HECW2: variants seen among roughly 807,000 people sequenced by gnomAD.
HECW2 encodes the protein HECT, C2 and WW domain containing E3 ubiquitin protein ligase 2.
In HECW2, 61 loss-of-function variants were observed where a neutral mutation model predicts 175.2. That is an observed-to-expected ratio of 0.35 (90% confidence interval 0.28 to 0.43). The LOEUF is 0.43. Ranked by LOEUF, HECW2 falls within the 20% of genes least tolerant of loss-of-function variation. The probability of loss-of-function intolerance (pLI) is 1.00; values close to 1 mark genes in which losing one functional copy is unlikely to be tolerated. For synonymous variants in HECW2, 671 were observed against 731.0 expected (o/e 0.92, Z 1.32); for missense variants, 1,524 against 2,000.5 (o/e 0.76, Z 4.54).
At chr2:196,422,371 T>G (rs1017056826) in intron 2 of HECW2, among the ~76,000 whole-genome samples, 21 of 152,250 alleles carry the variant, frequency 1.4e-4, no homozygotes, top group Non-Finnish European at 2.9e-4. Flanking sequence ...CGAAGTGAAA[T>G]GTGTGGCTTT....
intron 14 of HECW2, among the ~76,000 whole-genome samples, chr2:196,284,898 A>G (rs1297972706): frequency 6.6e-6 from 1 of 152,212 alleles, no homozygotes; most frequent in Non-Finnish European, 1.5e-5. Context: ...CACATTGGCT[A>G]CTAGCAAAGC....
At chr2:196,423,684 T>TTGTGTGTGAGTG (rs1553516065) in intron 2 of HECW2, among the ~76,000 whole-genome samples, 177 of 140,046 alleles carry the variant, frequency 1.3e-3, no homozygotes, top group Non-Finnish European at 2.1e-3. Flanking sequence ...TAGTATTCCA[T>TTGTGTGTGAGTG]TGTGTGTGTG....
At chr2:196,285,157 ATTCT>A (rs958726199) in intron 14 of HECW2, among the ~76,000 whole-genome samples, 12 of 152,252 alleles carry the variant, frequency 7.9e-5, no homozygotes, top group African/African-American at 2.9e-4. Context: ...TCTTTACACA[ATTCT>A]TTCTTTTTTC....
intron 17 of HECW2, among the ~76,000 whole-genome samples, chr2:196,261,066 C>G (rs1201979667): frequency 6.6e-6 from 1 of 152,162 alleles, no homozygotes. Context: ...GGCGAACACA[C>G]CTGGCTGCCC....
intron 3 of HECW2, among the ~76,000 whole-genome samples, chr2:196,335,468 G>A (rs1179359575): frequency 6.6e-6 from 1 of 152,160 alleles, no homozygotes; most frequent in Non-Finnish European, 1.5e-5. Context: ...CTAGGCTACG[G>A]GAGGGAGTTC....
chr2:196,271,849 T>C (rs904715125), intron 16 of HECW2, among the ~76,000 whole-genome samples: 1 of 152,252 alleles, frequency 6.6e-6, no homozygotes, highest in Non-Finnish European at 1.5e-5. Context: ...CCCACCACTA[T>C]AGGTGCTTAC....
chr2:196,301,668 T>C (rs1187139179), intron 13 of HECW2, among the ~76,000 whole-genome samples: 1 of 152,144 alleles, frequency 6.6e-6, no homozygotes, highest in Non-Finnish European at 1.5e-5. Flanking sequence ...AGGCCACGTG[T>C]ATGTCTTCTT....
chr2:196,257,201 T>G (rs1325896100), intron 18 of HECW2, among the ~76,000 whole-genome samples: 2 of 152,076 alleles, frequency 1.3e-5, no homozygotes, highest in East Asian at 3.9e-4. Flanking sequence ...AATGAGAAAG[T>G]CTTTTGAAAA....
At chr2:196,549,963 A>AT (rs1689555625) in intron 1 of HECW2, among the ~76,000 whole-genome samples, 1 of 152,224 alleles carries the variant, frequency 6.6e-6, no homozygotes, top group African/African-American at 2.4e-5. Flanking sequence ...TGAAGGAGAC[A>AT]GGCATTTGCA....
chr2:196,212,833 T>C (rs964972791), intron 28 of HECW2, among the ~76,000 whole-genome samples: 1 of 152,236 alleles, frequency 6.6e-6, no homozygotes, highest in African/African-American at 2.4e-5. Flanking sequence ...GCATTCCCTT[T>C]TCTCTGCAAC....
At chr2:196,354,310 A>G (rs1338944839) in intron 2 of HECW2, among the ~76,000 whole-genome samples, 1 of 152,226 alleles carries the variant, frequency 6.6e-6, no homozygotes, top group Admixed American at 6.5e-5. Flanking sequence ...TCAGGGTGAC[A>G]TGGCTGGTCC....
At chr2:196,454,148 C>CA (rs1696431401) in intron 1 of HECW2, among the ~76,000 whole-genome samples, 1 of 152,114 alleles carries the variant, frequency 6.6e-6, no homozygotes, top group Non-Finnish European at 1.5e-5. Context: ...TTAGTAGAAA[C>CA]AGGGTTCCAC....
At chr2:196,461,358 T>C (rs977939662) in intron 1 of HECW2, among the ~76,000 whole-genome samples, 1 of 152,216 alleles carries the variant, frequency 6.6e-6, no homozygotes, top group African/African-American at 2.4e-5. Flanking sequence ...AGACAGCCAA[T>C]ACTGAATGCT....
intron 17 of HECW2, among the ~76,000 whole-genome samples, chr2:196,267,688 GA>G (rs1689568652): frequency 6.6e-6 from 1 of 152,206 alleles, no homozygotes; most frequent in African/African-American, 2.4e-5. Context: ...ACACACCAGT[GA>G]AGTCTCAGGG....
Position 196,196,451 on chromosome 2 carries a change from A to C in HECW2, c.*4826T>G, listed in dbSNP as rs1356566536. The C allele has an allele frequency of 1.3e-5, 2 of 152,194 alleles. No homozygotes were observed. Among genetic ancestry groups the C allele is most frequent in the East Asian group, 3.9e-4 (2 of 5,194 alleles). The allele number at this position is 152,194 out of a possible 1,614,324, so 9.4% of individuals were successfully genotyped here. A position where few individuals can be genotyped will look rare whatever the true frequency, so the allele number is the denominator to read the frequency against. ...ATCAAACTCACGGCAGTAAGATGGA[A>C]GTAAAATGGCTAAGGTCCAGAGTGC... On this transcript the variant is annotated 3_prime_UTR_variant, in exon 29 of 29. Coordinates refer to ENST00000644978, the MANE Select transcript of HECW2 (RefSeq NM_001348768.2).
intron 2 of HECW2, among the ~76,000 whole-genome samples, chr2:196,405,508 T>G (rs2125216212): frequency 6.6e-6 from 1 of 152,300 alleles, no homozygotes; most frequent in African/African-American, 2.4e-5. Flanking sequence ...TCTGCCATAC[T>G]TCTCTGTGTT....
At chr2:196,311,276 G>A (rs949866145) in intron 10 of HECW2, among the ~76,000 whole-genome samples, 1 of 152,200 alleles carries the variant, frequency 6.6e-6, no homozygotes, top group Non-Finnish European at 1.5e-5. Flanking sequence ...CAATAAAAAT[G>A]CAGATTCCTA....
At chr2:196,516,825 G>T (rs1418643128) in intron 1 of HECW2, among the ~76,000 whole-genome samples, 2 of 152,268 alleles carry the variant, frequency 1.3e-5, no homozygotes, top group African/African-American at 4.8e-5. Context: ...GAAGAGGTCT[G>T]GGTCTTTGAG....
At chr2:196,378,125 G>A (rs1267617064) in intron 2 of HECW2, among the ~76,000 whole-genome samples, 3 of 152,150 alleles carry the variant, frequency 2.0e-5, no homozygotes, top group Non-Finnish European at 4.4e-5. Context: ...AGAGCAGAGT[G>A]GTTAAAAACC....
Sources: gnomAD v4.1 joint callset for allele counts (sites outside exome capture counted in the v4.1 genomes callset) on GRCh38, gnomAD v4.1.1 for gene constraint, MANE v1.5 for transcripts, NCBI Gene and HGNC (gene_info 2026-07-23, HGNC 2026-07-21) for gene names.